Variants in PDE5A observed in about 807,000 individuals in gnomAD.
PDE5A encodes phosphodiesterase 5A, also known as cGMP-specific 3',5'-cyclic phosphodiesterase.
In PDE5A, 67 loss-of-function variants were observed where a neutral mutation model predicts 110.2. The observed-to-expected ratio is 0.61, with a 90% CI of 0.50 to 0.75. The LOEUF (loss-of-function observed/expected upper bound fraction) is 0.75. Among genes scored for constraint, PDE5A ranks in the 30% least tolerant of loss-of-function variants. PDE5A has a pLI of 0.00. For synonymous variants in PDE5A, 328 were observed against 351.2 expected (o/e 0.93, Z 0.74); for missense variants, 862 against 1,045.1 (o/e 0.82, Z 2.42).
Position 119,519,111 on chromosome 4 carries a change from G to A in PDE5A, c.1934C>T (p.Ala645Val). ...QNKLTDLEIL[A>V]LLIAALSHDL... Reference sequence around the variant, plus strand: ...GTGGCTTAGTGCAGCAATCAGCAATGCAAGTATCTCCAGGTCAGTCAGCTT... The same window carrying A: ...GTGGCTTAGTGCAGCAATCAGCAATACAAGTATCTCCAGGTCAGTCAGCTT... The change falls in exon 14 of 21, where the codon GCA (alanine) becomes GTA (valine). Residue 645 changes from alanine (A) to valine (V), a missense_variant. Physicochemically the swap from Ala to Val is moderately conservative, Grantham distance 64. Transcript: ENST00000354960. 1 of 1,613,758 alleles carries A rather than the reference G, an allele frequency of 6.2e-7. No individual in the cohort carries two copies. The highest frequency in any genetic ancestry group is 8.5e-7 in the Non-Finnish European group (1 of 1,179,690).
chr4:119,544,752 C>T (rs913361912), intron 9 of PDE5A, among the ~76,000 whole-genome samples: 14 of 152,114 alleles, frequency 9.2e-5, no homozygotes, highest in African/African-American at 3.1e-4. Context: ...AGGCAATCTG[C>T]GAGGCTTATG....
At position 119,627,180 on chromosome 4, in the gene PDE5A, A is replaced by AT. The variant is rs1560650004; in HGVS notation, c.152+1339_152+1340insA. 6.2e-7 allele frequency: 1 copy of AT among 1,612,918 alleles called. No homozygotes were observed. Among genetic ancestry groups the AT allele is most frequent in the Non-Finnish European group, 8.5e-7 (1 of 1,179,378 alleles). On this transcript the variant is annotated intron_variant, in intron 1 of 20. Transcript: ENST00000354960. The surrounding 1 kb of genome is among the most constrained non-coding windows in gnomAD (Gnocchi z 4.6). ...TTTGTCTCCAAAGGGCAACATAGCA[A>AT]ACGTGGGAAGTTCGTTTTCGAACTC...
intron 2 of PDE5A, among the ~76,000 whole-genome samples, chr4:119,598,485 C>G (rs1729230340): frequency 6.6e-6 from 1 of 152,172 alleles, no homozygotes; most frequent in African/African-American, 2.4e-5. Context: ...AAATGGAACA[C>G]TACAATCATT....
chr4:119,539,039 G>A lies in PDE5A; in HGVS notation c.1573-20C>T, dbSNP rs376207834. 8.7e-6 allele frequency: 14 copies of A among 1,601,936 alleles called. No individual in the cohort carries two copies. In the Middle Eastern group the frequency reaches 5.0e-4, roughly 57 times the overall value. ...CAGAACCTACAGGGTAGGAAAAGAA[G>A]TCCAGGTTACACAGGAGAGAACTAC... On this transcript the variant is annotated intron_variant, in intron 10 of 20. Transcript: ENST00000354960.
intron 6 of PDE5A, 62 bp from the exon 7 acceptor site, chr4:119,560,425 A>G (rs1727707950): frequency 2.0e-6 from 2 of 1,012,696 alleles, no homozygotes; most frequent in African/African-American, 1.6e-5. Context: ...CTATCTAGAT[A>G]CAGACATACA....
chr4:119,562,793 C>T (rs1428407883), intron 6 of PDE5A, 40 bp downstream of exon 6: 5 of 1,456,046 alleles, frequency 3.4e-6, no homozygotes, highest in Non-Finnish European at 4.6e-6. Context: ...ATATAAGTTT[C>T]TGTCTTTCTA....
intron 6 of PDE5A, among the ~76,000 whole-genome samples, chr4:119,562,495 GAAAA>G (rs370851854): frequency 0.26 from 39,951 of 152,082 alleles, 5,371 homozygotes; most frequent in East Asian, 0.38. Context: ...TCCTGACCAT[GAAAA>G]GTCAGCACAC....
intron 14 of PDE5A, chr4:119,512,500 T>C (rs1725779970): frequency 6.6e-6 from 1 of 152,130 alleles, no homozygotes; most frequent in Non-Finnish European, 1.5e-5. Flanking sequence ...GTTAGGAGAC[T>C]ACTGGGAAAC....
At chr4:119,532,686 G>C (rs564591302) in intron 11 of PDE5A, among the ~76,000 whole-genome samples, 108 of 152,222 alleles carry the variant, frequency 7.1e-4, no homozygotes, top group Non-Finnish European at 1.2e-3. Context: ...CTTGGGTAAA[G>C]TAAATATAAT....
At chr4:119,622,797 C>T (rs1034026605) in intron 1 of PDE5A, among the ~76,000 whole-genome samples, 6 of 137,052 alleles carry the variant, frequency 4.4e-5, no homozygotes, top group African/African-American at 1.1e-4. Flanking sequence ...GGCGTAAACT[C>T]GGCTTGCAAT....
Position 119,496,446 on chromosome 4 carries a change from AAAC to A in PDE5A, c.*2152_*2154del, listed in dbSNP as rs1449329740. 7 of 152,198 alleles carry A rather than the reference AAAC, an allele frequency of 4.6e-5. No homozygotes were observed. The highest frequency in any genetic ancestry group is 1.7e-4 in the African/African-American group (7 of 41,464). The allele number at this position is 152,198 out of a possible 1,614,324, so 9.4% of individuals were successfully genotyped here. A position where few individuals can be genotyped will look rare whatever the true frequency, so the allele number is the denominator to read the frequency against. On this transcript the variant is annotated 3_prime_UTR_variant, in exon 21 of 21. Coordinates refer to ENST00000354960, the MANE Select transcript of PDE5A (RefSeq NM_001083.4). ...AATGTCTCAACTAGTAAAGTAAAAT[AAAC>A]AATATTCAAAGGCAGACCAAACCAT...
At chr4:119,617,814 T>C (rs1294315751) in intron 1 of PDE5A, among the ~76,000 whole-genome samples, 1 of 152,190 alleles carries the variant, frequency 6.6e-6, no homozygotes, top group Non-Finnish European at 1.5e-5. Context: ...ATAATTATAA[T>C]GGCCTAGTAC....
chr4:119,522,277 C>G (rs1726154543), intron 12 of PDE5A, among the ~76,000 whole-genome samples: 1 of 152,092 alleles, frequency 6.6e-6, no homozygotes, highest in South Asian at 2.1e-4. Flanking sequence ...TTTCTGTGTG[C>G]CTAAGATTGA....
chr4:119,559,445 C>A (rs796163982), intron 7 of PDE5A, among the ~76,000 whole-genome samples: 1 of 152,094 alleles, frequency 6.6e-6, no homozygotes, highest in Non-Finnish European at 1.5e-5. Context: ...TTCCTATTGT[C>A]CCATGGAGGT....
chr4:119,532,883 TTCTGCTTGCC>T (rs1421308553), intron 11 of PDE5A, among the ~76,000 whole-genome samples: 1 of 152,120 alleles, frequency 6.6e-6, no homozygotes, highest in African/African-American at 2.4e-5. Flanking sequence ...ATCAAAGGCA[TTCTGCTTGCC>T]TTAGGTCTGA....
chr4:119,558,468 G>C (rs1727618843), intron 7 of PDE5A, among the ~76,000 whole-genome samples: 2 of 152,052 alleles, frequency 1.3e-5, no homozygotes, highest in African/African-American at 4.8e-5. Context: ...AGTTTGGATT[G>C]GCAAAGTTTT....
intron 14 of PDE5A, among the ~76,000 whole-genome samples, chr4:119,513,650 A>G (rs905099985): frequency 1.3e-5 from 2 of 152,294 alleles, no homozygotes; most frequent in Admixed American, 6.5e-5. Flanking sequence ...TAAATGGTAG[A>G]GCTGGCATTC....
rs775540842 is a variant in PDE5A at position 119,607,194 on chromosome 4, T to C, written c.256A>G (p.Ser86Gly). 11 of 1,614,122 alleles carry C rather than the reference T, an allele frequency of 6.8e-6. No homozygotes were observed. Among genetic ancestry groups the C allele is most frequent in the Non-Finnish European group, 4.2e-6 (5 of 1,179,996 alleles). Residue 86 changes from serine to glycine, a missense_variant, in exon 2 of 21, where the codon AGT (serine) becomes GGT (glycine). Ser to Gly is a moderately conservative substitution (Grantham distance 56, BLOSUM62 0). Transcript: ENST00000354960. ...TESCSCPLQQ[S>G]PRADNSAPGT... The stretch of plus-strand genomic sequence containing the variant: ...GGGGCACTGTTATCTGCACGAGGAC[T>C]CTGCTGCAAGGGACAAGAGCAAGAT...
chr4:119,592,456 T>TAAAAAAAAAA lies in PDE5A; in HGVS notation c.831+4057_831+4066dup, dbSNP rs55997249. ...CTGGGTGACAGAGCGAGACTCTGTT[T>TAAAAAAAAAA]AAAAAAAAAAAAAAAAAAAAAAAAA... On this transcript the variant is annotated intron_variant, in intron 3 of 20. Coordinates refer to ENST00000354960, the MANE Select transcript of PDE5A (RefSeq NM_001083.4). 2.2e-3 allele frequency among the ~76,000 whole-genome samples: 146 copies of TAAAAAAAAAA among 66,176 alleles called. 7 individuals are homozygous for TAAAAAAAAAA. Among genetic ancestry groups the TAAAAAAAAAA allele is most frequent in the East Asian group, 3.3e-3 (6 of 1,826 alleles). 43.4% of individuals were successfully genotyped at this position (66,176 alleles called of 152,430 possible). A position where few individuals can be genotyped will look rare whatever the true frequency, so the allele number is the denominator to read the frequency against.
Sources: allele counts gnomAD v4.1 joint callset (sites outside exome capture counted in the v4.1 genomes callset), GRCh38; gene constraint gnomAD v4.1.1; non-coding constraint Gnocchi (gnomAD v3.1); transcripts MANE v1.5; gene names NCBI Gene and HGNC (gene_info 2026-07-23, HGNC 2026-07-21).